HTR1F: variants seen among roughly 807,000 people sequenced by gnomAD.
HTR1F encodes the protein 5-hydroxytryptamine receptor 1F.
A neutral mutation model predicts 24.0 loss-of-function variants in HTR1F; 17 were observed. That is an observed-to-expected ratio of 0.71 (90% CI 0.48 to 1.06). HTR1F has a LOEUF of 1.06. Among genes scored for constraint, HTR1F ranks in the 50% least tolerant of loss-of-function variants. The probability of loss-of-function intolerance (pLI) is 0.00; values close to 1 mark genes in which losing one functional copy is unlikely to be tolerated. For synonymous variants in HTR1F, 186 were observed against 156.8 expected, an observed-to-expected ratio of 1.19 and a Z score of -1.39; for missense variants, 391 against 427.8, an observed-to-expected ratio of 0.91 and a Z score of 0.76.
At chr3:87,899,113 T>C (rs1404715431) in intron 2 of HTR1F, among the ~76,000 whole-genome samples, 1 of 152,198 alleles carries the variant, frequency 6.6e-6, no homozygotes, top group Non-Finnish European at 1.5e-5. Context: ...GCCTTATGAA[T>C]TTTTCATTCT....
chr3:87,961,686 C>T (rs1280551267), intron 2 of HTR1F, among the ~76,000 whole-genome samples: 3 of 151,770 alleles, frequency 2.0e-5, no homozygotes, highest in Admixed American at 2.0e-4. Context: ...ATATCTCACC[C>T]AGCGAGACAA....
At chr3:87,901,083 A>G (rs1190890916) in intron 2 of HTR1F, among the ~76,000 whole-genome samples, 4 of 152,214 alleles carry the variant, frequency 2.6e-5, no homozygotes, top group African/African-American at 9.7e-5. Context: ...TGACTTCGCA[A>G]CAGTGCAATT....
intron 2 of HTR1F, among the ~76,000 whole-genome samples, chr3:87,822,547 T>C (rs1428071976): frequency 1.3e-5 from 2 of 152,210 alleles, no homozygotes; most frequent in Non-Finnish European, 2.9e-5. Flanking sequence ...AATGTTTTCT[T>C]TTATATAATT....
chr3:87,865,576 AT>A (rs1705410260), intron 2 of HTR1F, among the ~76,000 whole-genome samples: 1 of 152,084 alleles, frequency 6.6e-6, no homozygotes, highest in African/African-American at 2.4e-5. Flanking sequence ...ATAAATATGA[AT>A]TTTTTGTGTG....
intron 2 of HTR1F, among the ~76,000 whole-genome samples, chr3:87,829,340 G>C (rs1704527120): frequency 6.6e-6 from 1 of 152,098 alleles, no homozygotes; most frequent in Non-Finnish European, 1.5e-5. Context: ...TTGTACATTT[G>C]TATGTAACAA....
At position 87,932,001 on chromosome 3, in the gene HTR1F, T is replaced by C. The variant is rs565445102; in HGVS notation, c.-42-58707T>C. 7.2e-5 allele frequency among the ~76,000 whole-genome samples: 11 copies of C among 152,332 alleles called. No homozygotes were observed. The South Asian group carries it at 2.1e-3, about 29-fold the overall frequency. ...TTCTCCCATTCTGTAGGTTGCCTGT[T>C]CACTCTGATGGTAGTTTCTTTTGCT... On this transcript the variant is annotated intron_variant, in intron 2 of 2. Coordinates refer to ENST00000319595, the MANE Select transcript of HTR1F (RefSeq NM_001322209.2).
chr3:87,845,622 T>C (rs1056636005), intron 2 of HTR1F, among the ~76,000 whole-genome samples: 3 of 151,066 alleles, frequency 2.0e-5, no homozygotes, highest in African/African-American at 7.4e-5. Flanking sequence ...TGCTCATGGG[T>C]AGGAAGAATC....
intron 2 of HTR1F, among the ~76,000 whole-genome samples, chr3:87,876,829 T>TA: frequency 6.6e-6 from 1 of 152,136 alleles, no homozygotes; most frequent in Non-Finnish European, 1.5e-5. Flanking sequence ...CTTAACTTAT[T>TA]TCTTAAGGCC....
intron 2 of HTR1F, among the ~76,000 whole-genome samples, chr3:87,857,991 A>C (rs1384574829): frequency 6.6e-6 from 1 of 152,200 alleles, no homozygotes; most frequent in East Asian, 1.9e-4. Context: ...AATTAATAAT[A>C]ATAAAGAAAA....
chr3:87,974,623 T>A (rs1424950487), intron 2 of HTR1F, among the ~76,000 whole-genome samples: 1 of 152,202 alleles, frequency 6.6e-6, no homozygotes, highest in Non-Finnish European at 1.5e-5. Context: ...TTCCTATATG[T>A]AATAGTGAGC....
At chr3:87,913,214 C>A (rs1043841760) in intron 2 of HTR1F, among the ~76,000 whole-genome samples, 1 of 151,862 alleles carries the variant, frequency 6.6e-6, no homozygotes, top group Non-Finnish European at 1.5e-5. Flanking sequence ...ATATTAAGCA[C>A]CTATAAGGAA....
At chr3:87,938,820 T>G (rs1314226708) in intron 2 of HTR1F, among the ~76,000 whole-genome samples, 7 of 152,030 alleles carry the variant, frequency 4.6e-5, no homozygotes, top group Admixed American at 6.6e-5. Flanking sequence ...ATATAAAACC[T>G]AAAACTATAA....
chr3:87,991,073 G>A lies in HTR1F; in HGVS notation c.324G>A (p.Thr108=), dbSNP rs554304364. 348 of 1,613,868 alleles carry A rather than the reference G, an allele frequency of 2.2e-4. 3 individuals carry two copies. The South Asian group carries it at 3.5e-3, about 16-fold the overall frequency. ...TGAGTGTTGACATTACCTGCTGCAC[G>A]TGCTCCATCTTGCATCTCTCAGCTA... ...IWLSVDITCC[T]CSILHLSAIA... The change falls in exon 3 of 3, where the codon ACG becomes ACA. Residue 108 remains threonine (T), a synonymous_variant. Transcript: ENST00000319595.
At chr3:87,967,237 G>A (rs536799772) in intron 2 of HTR1F, among the ~76,000 whole-genome samples, 2 of 152,212 alleles carry the variant, frequency 1.3e-5, no homozygotes, top group South Asian at 2.1e-4. Context: ...ATCACTTGAG[G>A]TCAGGAGTTT....
At chr3:87,990,260 C>T (rs1180100447) in intron 2 of HTR1F, among the ~76,000 whole-genome samples, 2 of 152,128 alleles carry the variant, frequency 1.3e-5, no homozygotes, top group East Asian at 1.9e-4. Flanking sequence ...TGTTACATTC[C>T]AGCCTTTGAA....
intron 2 of HTR1F, among the ~76,000 whole-genome samples, chr3:87,824,742 C>G (rs1018995627): frequency 9.2e-5 from 14 of 152,134 alleles, no homozygotes; most frequent in African/African-American, 3.1e-4. Flanking sequence ...CACATTATTT[C>G]TTTACGAAAT....
chr3:87,893,401 TATTA>T (rs946736874), intron 2 of HTR1F, among the ~76,000 whole-genome samples: 19 of 152,322 alleles, frequency 1.2e-4, no homozygotes, highest in African/African-American at 4.3e-4. Context: ...TTGAGCAATA[TATTA>T]ATTAATTTTT....
intron 2 of HTR1F, among the ~76,000 whole-genome samples, chr3:87,851,115 G>T (rs1215697123): frequency 1.3e-5 from 2 of 151,570 alleles, no homozygotes; most frequent in African/African-American, 2.4e-5. Context: ...ACAAGCCTGG[G>T]TGCATCTTTC....
At chr3:87,843,742 T>G (rs532179476) in intron 2 of HTR1F, among the ~76,000 whole-genome samples, 6 of 146,086 alleles carry the variant, frequency 4.1e-5, no homozygotes, top group Admixed American at 3.4e-4. Context: ...GTGATCTCAT[T>G]GTTCAGTTCC....
Sources: gnomAD v4.1 joint callset for allele counts (sites outside exome capture counted in the v4.1 genomes callset) on GRCh38, gnomAD v4.1.1 for gene constraint, MANE v1.5 for transcripts, NCBI Gene and HGNC (gene_info 2026-07-23, HGNC 2026-07-21) for gene names.